GLIS3: variants seen among roughly 807,000 people sequenced by gnomAD.
GLIS3 encodes zinc finger protein GLIS3.
GLIS3 carries 53 observed loss-of-function variants against 78.6 expected under a neutral mutation model. The observed-to-expected ratio is 0.67, with a 90% CI of 0.54 to 0.85. The LOEUF is 0.85. Ranked by LOEUF, GLIS3 falls within the 40% of genes least tolerant of loss-of-function variation. The pLI is 0.00. For synonymous variants in GLIS3, 684 were observed against 509.9 expected, an observed-to-expected ratio of 1.34 and a Z score of -4.60; for missense variants, 1,703 against 1,231.1, an observed-to-expected ratio of 1.38 and a Z score of -5.74.
At chr9:4,070,350 G>A (rs1827483270) in intron 4 of GLIS3, among the ~76,000 whole-genome samples, 1 of 152,152 alleles carries the variant, frequency 6.6e-6, no homozygotes, top group South Asian at 2.1e-4. Flanking sequence ...AATTGACAAA[G>A]ACTGCTTACT....
At chr9:3,954,488 T>C (rs1415366551) in intron 4 of GLIS3, among the ~76,000 whole-genome samples, 1 of 152,182 alleles carries the variant, frequency 6.6e-6, no homozygotes, top group African/African-American at 2.4e-5. Flanking sequence ...AAAAGAACAG[T>C]TGGAGAAAAC....
chr9:3,962,645 T>C (rs1430372388), intron 4 of GLIS3, among the ~76,000 whole-genome samples: 1 of 152,210 alleles, frequency 6.6e-6, no homozygotes, highest in Non-Finnish European at 1.5e-5. Context: ...GTTTGCTTTT[T>C]GTTTGAGAAG....
chr9:4,269,845 A>G (rs1194438763), intron 2 of GLIS3, among the ~76,000 whole-genome samples: 1 of 152,208 alleles, frequency 6.6e-6, no homozygotes, highest in Non-Finnish European at 1.5e-5. Context: ...AAACAAACAA[A>G]TATCTGGTGG....
chr9:4,173,942 GCACA>G (rs201634597), intron 2 of GLIS3, among the ~76,000 whole-genome samples: 38,285 of 142,328 alleles, frequency 0.27, 5,718 homozygotes, highest in South Asian at 0.46. Context: ...ACGCACGCAC[GCACA>G]CACGCATTTC....
intron 4 of GLIS3, among the ~76,000 whole-genome samples, chr9:4,043,241 G>A (rs919089439): frequency 2.0e-4 from 30 of 152,154 alleles, no homozygotes; most frequent in African/African-American, 7.0e-4. Flanking sequence ...TTTGGCAAGG[G>A]GCCAGAGGTG....
the GLIS3 span, among the ~76,000 whole-genome samples, chr9:4,453,285 T>C: frequency 1.6e-5 from 2 of 128,640 alleles, no homozygotes; most frequent in African/African-American, 2.8e-5. Flanking sequence ...CCAAAAGCAA[T>C]GGCAACAAAA....
chr9:4,460,312 G>A, the GLIS3 span, among the ~76,000 whole-genome samples: 1 of 152,120 alleles, frequency 6.6e-6, no homozygotes, highest in Admixed American at 6.6e-5. Context: ...ATAAAATGGG[G>A]TTGAAAGTTC....
chr9:3,910,335 A>C (rs1470260807), intron 6 of GLIS3, among the ~76,000 whole-genome samples: 4 of 152,026 alleles, frequency 2.6e-5, no homozygotes, highest in South Asian at 2.1e-4. Flanking sequence ...AGGCTGAAAA[A>C]ATTTTGTTTT....
chr9:3,920,283 A>G (rs182447469), intron 6 of GLIS3, among the ~76,000 whole-genome samples: 167 of 152,312 alleles, frequency 1.1e-3, no homozygotes, highest in Non-Finnish European at 1.8e-3. Flanking sequence ...GATTACAGGC[A>G]TGAGCCACTG....
intron 2 of GLIS3, among the ~76,000 whole-genome samples, chr9:4,164,541 C>T (rs1290181675): frequency 1.3e-5 from 2 of 152,220 alleles, no homozygotes; most frequent in Non-Finnish European, 2.9e-5. Context: ...GTCAGACTTT[C>T]TGAGTTCCTG....
intron 4 of GLIS3, among the ~76,000 whole-genome samples, chr9:3,952,841 A>T (rs499004): frequency 2.0e-5 from 3 of 152,040 alleles, no homozygotes; most frequent in African/African-American, 7.2e-5. Context: ...CTACATTTCT[A>T]AAAAAAACTC....
Position 4,087,596 on chromosome 9 carries a change from C to A in GLIS3, c.1710+30172G>T, listed in dbSNP as rs182244078. On this transcript the variant is annotated intron_variant, in intron 4 of 10. Coordinates refer to ENST00000381971, the MANE Select transcript of GLIS3 (RefSeq NM_001042413.2). ...AAAAGTACAGGATGTGGGCTCTGGC[C>A]TCATAGAGCTTAAAAATAGAGTTGT... 2.9e-3 allele frequency among the ~76,000 whole-genome samples: 436 copies of A among 152,082 alleles called. 2 individuals carry two copies. The highest frequency in any genetic ancestry group is 4.2e-3 in the Non-Finnish European group (284 of 68,016).
chr9:3,835,129 T>C lies in GLIS3; in HGVS notation c.2474-5637A>G, dbSNP rs573405094. Among the ~76,000 whole-genome samples the C allele has an allele frequency of 7.9e-5, 12 of 152,352 alleles. No homozygotes were observed. In the South Asian group the frequency reaches 2.3e-3, roughly 29 times the overall value. On this transcript the variant is annotated intron_variant, in intron 9 of 10. Coordinates refer to ENST00000381971, the MANE Select transcript of GLIS3 (RefSeq NM_001042413.2). ...TCTGTGTACTTAGTAGGTTTGTTTA[T>C]GCAGCAGATGGCCTTGCAAAACAAA...
chr9:3,871,055 CAG>C (rs1023182967), intron 8 of GLIS3, among the ~76,000 whole-genome samples: 2 of 152,204 alleles, frequency 1.3e-5, no homozygotes, highest in African/African-American at 4.8e-5. Flanking sequence ...TTGGCCAAAA[CAG>C]AGGGGCTACA....
chr9:4,067,475 G>C (rs1827197401), intron 4 of GLIS3, among the ~76,000 whole-genome samples: 1 of 152,050 alleles, frequency 6.6e-6, no homozygotes, highest in Non-Finnish European at 1.5e-5. Flanking sequence ...ACAGAACACA[G>C]AAAAAGACGC....
At chr9:3,965,193 C>CTTTTTTTTTTTTTTTTTTTTTTTTT (rs34951383) in intron 4 of GLIS3, among the ~76,000 whole-genome samples, 4 of 100,156 alleles carry the variant, frequency 4.0e-5, no homozygotes, top group Non-Finnish European at 5.5e-5. Flanking sequence ...CTTTTCTTTT[C>CTTTTTTTTTTTTTTTTTTTTTTTTT]TTTTTTTTTT....
chr9:4,417,932 G>A, the GLIS3 span, among the ~76,000 whole-genome samples: 1 of 152,110 alleles, frequency 6.6e-6, no homozygotes, highest in Non-Finnish European at 1.5e-5. Context: ...AGGGGTTGGG[G>A]AACAATTGAT....
At chr9:4,259,405 G>C (rs1260749553) in intron 2 of GLIS3, among the ~76,000 whole-genome samples, 1 of 152,050 alleles carries the variant, frequency 6.6e-6, no homozygotes, top group East Asian at 1.9e-4. Flanking sequence ...AAACACTGGA[G>C]AGTGCTCATC....
the GLIS3 span, among the ~76,000 whole-genome samples, chr9:4,465,515 C>T: frequency 6.6e-6 from 1 of 150,616 alleles, no homozygotes; most frequent in Non-Finnish European, 1.5e-5. Flanking sequence ...TGCCATTGCA[C>T]TCCGGCCTGG....
Sources: gnomAD v4.1 joint callset for allele counts (sites outside exome capture counted in the v4.1 genomes callset) on GRCh38, gnomAD v4.1.1 for gene constraint, MANE v1.5 for transcripts, NCBI Gene and HGNC (gene_info 2026-07-23, HGNC 2026-07-21) for gene names.